Variants in EMC1 observed in about 807,000 individuals in gnomAD.
The protein encoded by EMC1 is ER membrane protein complex subunit 1, also known as KIAA0090.
Under a neutral mutation model 128.8 loss-of-function variants are expected in EMC1, and 103 were observed. The ratio of observed to expected loss-of-function variants is 0.80; its 90% CI spans 0.68 to 0.94. The LOEUF (loss-of-function observed/expected upper bound fraction) is 0.94, where lower values mean the gene tolerates loss of function less well. EMC1 is among the 40% of genes least tolerant of loss of function. EMC1 has a pLI of 0.00. For synonymous variants in EMC1, 442 were observed against 490.4 expected (o/e 0.90, Z 1.30); for missense variants, 1,083 against 1,250.6 (o/e 0.87, Z 2.02).
intron 8 of EMC1, 158 bp downstream of exon 8, chr1:19,239,660 T>G: frequency 1.5e-6 from 1 of 681,122 alleles, no homozygotes; most frequent in Non-Finnish European, 2.5e-6. Context: ...ACCATTTCTA[T>G]GATAAGGCTA....
intron 6 of EMC1, 130 bp from the exon 7 acceptor site, chr1:19,240,576 A>G (rs2093599601): frequency 2.0e-6 from 2 of 1,020,906 alleles, no homozygotes; most frequent in Non-Finnish European, 2.9e-6. Context: ...GGTTGGTTGT[A>G]TAGGAGTTCT....
At chr1:19,222,077 G>C (rs1222568655) in intron 20 of EMC1, among the ~76,000 whole-genome samples, 5 of 151,938 alleles carry the variant, frequency 3.3e-5, no homozygotes, top group South Asian at 2.1e-4. Context: ...GTCAGCACAG[G>C]CTAGCTATGT....
At chr1:19,249,679 C>T (rs1473927196) in intron 1 of EMC1, among the ~76,000 whole-genome samples, 1 of 152,144 alleles carries the variant, frequency 6.6e-6, no homozygotes, top group African/African-American at 2.4e-5. Context: ...AATCCCAGCA[C>T]TTTGGGAGGC....
At chr1:19,232,494 G>GA (rs2093531431) in intron 15 of EMC1, 130 bp downstream of exon 15, 3 of 1,056,900 alleles carry the variant, frequency 2.8e-6, no homozygotes, top group African/African-American at 1.6e-5. Context: ...GAAACTAGAA[G>GA]AAACAGAGTT....
At chr1:19,219,875 G>C (rs2093418239) in intron 21 of EMC1, 177 bp from the exon 22 acceptor site, 1 of 616,052 alleles carries the variant, frequency 1.6e-6, no homozygotes, top group Non-Finnish European at 2.8e-6. Context: ...AGGACTACAA[G>C]AAAGGAAGCT....
At position 19,238,127 on chromosome 1, in the gene EMC1, A is replaced by T; in HGVS notation, c.1102T>A (p.Cys368Ser). The change falls in exon 11 of 23, where the codon TGC (cysteine) becomes AGC (serine). Residue 368 changes from cysteine (C) to serine (S), a missense_variant. By Grantham distance (112) the Cys-to-Ser change is moderately radical. Around this residue, in one of 3 missense-constraint regions of EMC1, gnomAD observed 544 missense variants for 572.4 expected, o/e 0.95. Coordinates refer to ENST00000477853, the MANE Select transcript of EMC1 (RefSeq NM_015047.3). Reference protein sequence around the residue: ...EKSSSKDSLACFNQTYTINLY... With the variant: ...EKSSSKDSLASFNQTYTINLY... ...TTAATGGTGTAGGTCTGATTGAAGC[A>T]AGCCAGAGAGTCCTAGGAGTACAGA... is the stretch of plus-strand genomic sequence containing the variant. 6.2e-7 allele frequency: 1 copy of T among 1,613,864 alleles called. No individual in the cohort carries two copies. The highest frequency in any genetic ancestry group is 8.5e-7 in the Non-Finnish European group (1 of 1,179,950).
At chr1:19,224,901 T>C (rs1453320533) in intron 18 of EMC1, among the ~76,000 whole-genome samples, 1 of 152,134 alleles carries the variant, frequency 6.6e-6, no homozygotes, top group African/African-American at 2.4e-5. Context: ...ACTTTGACTT[T>C]TCTCTCTGGA....
Position 19,232,717 on chromosome 1 carries a change from A to G in EMC1, c.1689T>C (p.Asn563=), listed in dbSNP as rs760863628. 1.9e-6 allele frequency: 3 copies of G among 1,614,146 alleles called. No homozygotes were observed. The highest frequency in any genetic ancestry group is 2.2e-5 in the South Asian group (2 of 91,082). ...GTTTAAAGGAGGAGTCTGGCTTGAC[A>G]TTGGGTAGATACTGTTTCCACAGGA... The part of the protein sequence containing the change: ...GTILWKQYLP[N]VKPDSSFKLM... Residue 563 remains asparagine (N), a synonymous_variant, in exon 15 of 23, where the codon AAT becomes AAC. Coordinates refer to ENST00000477853, the MANE Select transcript of EMC1 (RefSeq NM_015047.3).
intron 18 of EMC1, among the ~76,000 whole-genome samples, chr1:19,224,013 C>T (rs1171866672): frequency 6.6e-6 from 1 of 152,242 alleles, no homozygotes; most frequent in Non-Finnish European, 1.5e-5. Context: ...CCTCAACTTA[C>T]TTGACCCACT....
At chr1:19,234,203 C>T in intron 13 of EMC1, 1 of 984,644 alleles carries the variant, frequency 1.0e-6, no homozygotes, top group Non-Finnish European at 1.2e-6. Flanking sequence ...ATCCAGGCAG[C>T]AGAAATAAAC....
rs769556765 is a variant in EMC1 at position 19,238,126 on chromosome 1, C to G, written c.1103G>C (p.Cys368Ser). The G allele has an allele frequency of 2.5e-6, 4 of 1,613,920 alleles. No individual in the cohort carries two copies. In the South Asian group the frequency reaches 3.3e-5, roughly 13 times the overall value. The change falls in exon 11 of 23, where the codon TGC (cysteine) becomes TCC (serine). Residue 368 changes from cysteine (C) to serine (S), a missense_variant. By Grantham distance (112) the Cys-to-Ser change is moderately radical. This residue lies in a region of EMC1 where 544 missense variants were observed against 572.4 expected (regional missense o/e 0.95). Coordinates refer to ENST00000477853, the MANE Select transcript of EMC1 (RefSeq NM_015047.3). Reference sequence around the variant, plus strand: ...GTTAATGGTGTAGGTCTGATTGAAGCAAGCCAGAGAGTCCTAGGAGTACAG... The same window carrying G: ...GTTAATGGTGTAGGTCTGATTGAAGGAAGCCAGAGAGTCCTAGGAGTACAG... The part of the protein sequence containing the change: ...EKSSSKDSLA[C>S]FNQTYTINLY...
intron 15 of EMC1, 108 bp downstream of exon 15, chr1:19,232,516 A>G: frequency 5.6e-6 from 7 of 1,247,330 alleles, no homozygotes; most frequent in Non-Finnish European, 8.1e-6. Flanking sequence ...TAACCCCTGA[A>G]TGTTCCTCAT....
rs760996624 is a variant in EMC1 at position 19,238,805 on chromosome 1, G to C, written c.1079C>G (p.Ser360Cys). The change falls in exon 10 of 23, where the codon TCT becomes TGT. Residue 360 changes from serine (S) to cysteine (C), a missense_variant. Transcript: ENST00000477853. ...AGTGCCACACCATACCTTTGAACTA[G>C]ACTTCTCCGAAAAGCTCCCCATTGA... ...DGSMGSFSEK[S>C]SSKDSLACFN... 2 of 1,609,864 alleles carry C rather than the reference G, an allele frequency of 1.2e-6. No individual in the cohort carries two copies. Among genetic ancestry groups the C allele is most frequent in the Non-Finnish European group, 1.7e-6 (2 of 1,176,262 alleles).
intron 1 of EMC1, among the ~76,000 whole-genome samples, chr1:19,250,545 A>G (rs1440194742): frequency 6.6e-6 from 1 of 152,198 alleles, no homozygotes; most frequent in Non-Finnish European, 1.5e-5. Flanking sequence ...ATATATGCGA[A>G]TCAACTTTTC....
Position 19,222,732 on chromosome 1 carries a change from G to A in EMC1, c.2479C>T (p.Arg827Cys), listed in dbSNP as rs563968339. The change falls in exon 20 of 23, where the codon CGC (arginine) becomes TGC (cysteine). Residue 827 changes from arginine to cysteine, a missense_variant. Around this residue, in one of 3 missense-constraint regions of EMC1, gnomAD observed 527 missense variants for 644.1 expected, o/e 0.82. Transcript: ENST00000477853. ...YNATAFSSLDRPQLPQVLQQS... is the reference protein window; with the variant it reads ...YNATAFSSLDCPQLPQVLQQS... ...TGGAGGACCTGGGGCAGCTGGGGGC[G>A]GTCCAGGGAGCTGAAGGCGGTGGCG... is the stretch of plus-strand genomic sequence containing the variant. 2.2e-5 allele frequency: 36 copies of A among 1,614,152 alleles called. 1 individual carries two copies. Among genetic ancestry groups the A allele is most frequent in the Non-Finnish European group, 2.3e-5 (27 of 1,180,006 alleles).
Position 19,216,937 on chromosome 1 carries a change from A to G in EMC1, c.*2366T>C, listed in dbSNP as rs2093400475. On this transcript the variant is annotated 3_prime_UTR_variant, in exon 23 of 23. Coordinates refer to ENST00000477853, the MANE Select transcript of EMC1 (RefSeq NM_015047.3). The stretch of plus-strand genomic sequence containing the variant: ...AACTCCTGGGCTCAAGAGATCCTCC[A>G]CTATGGCCTCCCAAAGTGCTGGGAT... 1 of 152,122 alleles carries G rather than the reference A, an allele frequency of 6.6e-6. No individual in the cohort carries two copies. Among genetic ancestry groups the G allele is most frequent in the East Asian group, 1.9e-4 (1 of 5,178 alleles). The allele number at this position is 152,122 out of a possible 1,614,324, so 9.4% of individuals were successfully genotyped here.
At chr1:19,230,793 A>C in intron 17 of EMC1, 51 bp downstream of exon 17, 1 of 1,609,224 alleles carries the variant, frequency 6.2e-7, no homozygotes, top group Non-Finnish European at 8.5e-7. Context: ...AATGGCCAGG[A>C]AACACCTGCA....
chr1:19,233,407 G>A (rs1362721385), intron 13 of EMC1, among the ~76,000 whole-genome samples: 1 of 152,188 alleles, frequency 6.6e-6, no homozygotes, highest in Non-Finnish European at 1.5e-5. Flanking sequence ...CAGGGATCAG[G>A]CATGCAGGAG....
At chr1:19,243,824 G>A (rs1377675471) in intron 3 of EMC1, 117 bp from the exon 4 acceptor site, 5 of 1,410,406 alleles carry the variant, frequency 3.5e-6, no homozygotes, top group East Asian at 4.6e-5. Context: ...TGTTAAACAG[G>A]TACCTGTCCT....
Sources: allele counts gnomAD v4.1 joint callset (sites outside exome capture counted in the v4.1 genomes callset), GRCh38; gene constraint gnomAD v4.1.1; regional missense constraint gnomAD v4.1.1; transcripts MANE v1.5; gene names NCBI Gene and HGNC (gene_info 2026-07-23, HGNC 2026-07-21).